CUL4A: variants seen among roughly 807,000 people sequenced by gnomAD.
CUL4A encodes the protein cullin-4A.
In CUL4A, 16 loss-of-function variants were observed where a neutral mutation model predicts 95.5. The ratio of observed to expected loss-of-function variants is 0.17; its 90% CI spans 0.11 to 0.25. The LOEUF (loss-of-function observed/expected upper bound fraction) is 0.25, where lower values mean the gene tolerates loss of function less well. Among genes scored for constraint, CUL4A ranks in the 10% least tolerant of loss-of-function variants. The pLI is 1.00. For synonymous variants in CUL4A, 380 were observed against 353.1 expected (o/e 1.08, Z -0.85); for missense variants, 610 against 937.0 (o/e 0.65, Z 4.56).
chr13:113,235,245 A>C (rs1404477326), intron 8 of CUL4A, 100 bp downstream of exon 8: 1 of 739,786 alleles, frequency 1.4e-6, no homozygotes, highest in Non-Finnish European at 2.3e-6. Context: ...CAATTCATTC[A>C]GTACTAAGAG....
chr13:113,220,692 T>C (rs902097677), intron 3 of CUL4A, among the ~76,000 whole-genome samples: 3 of 152,184 alleles, frequency 2.0e-5, no homozygotes, highest in Non-Finnish European at 4.4e-5. Context: ...GATTACCTGA[T>C]CAAATGAATC....
At chr13:113,210,878 C>T (rs1433326388) in intron 2 of CUL4A, among the ~76,000 whole-genome samples, 2 of 152,324 alleles carry the variant, frequency 1.3e-5, no homozygotes, top group Admixed American at 6.5e-5. Context: ...CACCTATACT[C>T]CTACCACCCA....
chr13:113,253,034 A>G (rs764014952), intron 15 of CUL4A, 48 bp from the exon 16 acceptor site: 2 of 874,956 alleles, frequency 2.3e-6, no homozygotes, highest in Non-Finnish European at 3.7e-6. Flanking sequence ...GGAGCTATTG[A>G]GATGGATGGT....
intron 2 of CUL4A, among the ~76,000 whole-genome samples, chr13:113,216,981 A>T (rs1002134352): frequency 6.6e-6 from 1 of 152,196 alleles, no homozygotes; most frequent in Non-Finnish European, 1.5e-5. Flanking sequence ...GACTCATATG[A>T]ATAGTAAATG....
intron 4 of CUL4A, 86 bp from the exon 5 acceptor site, chr13:113,229,360 A>G: frequency 9.1e-7 from 1 of 1,095,684 alleles, no homozygotes; most frequent in Non-Finnish European, 1.4e-6. Context: ...TGGATTTGAG[A>G]CAGCTAGCAT....
chr13:113,234,957 T>A (rs2041489696), intron 7 of CUL4A, 106 bp from the exon 8 acceptor site: 1 of 793,074 alleles, frequency 1.3e-6, no homozygotes, highest in Non-Finnish European at 2.1e-6. Flanking sequence ...TGAATATGTA[T>A]TCTGCTTTTT....
intron 5 of CUL4A, chr13:113,229,809 G>T (rs1023270176): frequency 4.2e-6 from 2 of 479,012 alleles, no homozygotes; most frequent in African/African-American, 2.0e-5. Flanking sequence ...TGGAGGTTGA[G>T]CCTGGAGCGG....
Position 113,256,926 on chromosome 13 carries a change from G to GTTTTTTTTTTTTTTTTTTTT in CUL4A, c.2031+1805_2031+1824dup, listed in dbSNP as rs951070829. On this transcript the variant is annotated intron_variant, in intron 18 of 19. Transcript: ENST00000375440. The stretch of plus-strand genomic sequence containing the variant: ...AATGCTTTGTCCCTTTTTTTTTTTC[G>GTTTTTTTTTTTTTTTTTTTT]TTTTTTTTTTTTTTTTTTTTTTTGC... Among the ~76,000 whole-genome samples, 14 of 47,388 alleles carry GTTTTTTTTTTTTTTTTTTTT rather than the reference G, an allele frequency of 3.0e-4. 3 individuals are homozygous for GTTTTTTTTTTTTTTTTTTTT. Among genetic ancestry groups the GTTTTTTTTTTTTTTTTTTTT allele is most frequent in the Non-Finnish European group, 4.7e-4 (13 of 27,938 alleles). 31.1% of individuals were successfully genotyped at this position (47,388 alleles called of 152,430 possible). A position where few individuals can be genotyped will look rare whatever the true frequency, so the allele number is the denominator to read the frequency against.
At chr13:113,234,919 C>T in intron 7 of CUL4A, 144 bp from the exon 8 acceptor site, 1 of 612,938 alleles carries the variant, frequency 1.6e-6, no homozygotes. Flanking sequence ...ACCTCTCCCT[C>T]CCTGTTAATC....
chr13:113,211,634 C>T (rs778220608), intron 2 of CUL4A, among the ~76,000 whole-genome samples: 5 of 152,354 alleles, frequency 3.3e-5, no homozygotes, highest in Non-Finnish European at 7.4e-5. Flanking sequence ...ATCCACCCAC[C>T]TCGGTCTCTC....
chr13:113,257,372 A>G (rs1178500392), intron 18 of CUL4A, among the ~76,000 whole-genome samples: 1 of 152,194 alleles, frequency 6.6e-6, no homozygotes, highest in Admixed American at 6.5e-5. Context: ...TTGTATTACT[A>G]TAAGGAAATA....
intron 2 of CUL4A, among the ~76,000 whole-genome samples, chr13:113,215,347 T>TCG (rs2040615587): frequency 7.1e-6 from 1 of 141,606 alleles, no homozygotes; most frequent in African/African-American, 2.7e-5. Context: ...GCTGTGGAGG[T>TCG]CTCTGTGACC....
upstream of CUL4A, chr13:113,209,506 CGGGCG>C (rs531800883): frequency 1.7e-4 from 87 of 522,122 alleles, no homozygotes; most frequent in South Asian, 2.6e-4. Flanking sequence ...CTCGGGCACG[CGGGCG>C]GGGCGGGGCG....
chr13:113,217,635 TA>T (rs2139103743), intron 2 of CUL4A, among the ~76,000 whole-genome samples: 1 of 152,354 alleles, frequency 6.6e-6, no homozygotes, highest in Admixed American at 6.5e-5. Flanking sequence ...TAAGTATTAG[TA>T]AAATGAATAG....
intron 5 of CUL4A, among the ~76,000 whole-genome samples, chr13:113,230,838 A>G (rs960893705): frequency 2.0e-5 from 3 of 152,114 alleles, no homozygotes; most frequent in Admixed American, 6.5e-5. Flanking sequence ...TGGCACAATC[A>G]TAACTCACTG....
rs2042351470 is a variant in CUL4A at position 113,263,856 on chromosome 13, T to C, written c.*274T>C. On this transcript the variant is annotated 3_prime_UTR_variant, in exon 20 of 20. Transcript: ENST00000375440. The stretch of plus-strand genomic sequence containing the variant: ...ACTTTGAGATTGGACAAGAAGATGT[T>C]ACTAAAGAGAAGTTCCTTTAAAAGG... 1 of 294,428 alleles carries C rather than the reference T, an allele frequency of 3.4e-6. No individual in the cohort carries two copies. The highest frequency in any genetic ancestry group is 5.1e-5 in the Admixed American group (1 of 19,590). The allele number at this position is 294,428 out of a possible 1,614,324, so 18.2% of individuals were successfully genotyped here.
chr13:113,222,819 G>A (rs548243078), intron 3 of CUL4A, among the ~76,000 whole-genome samples: 12 of 152,280 alleles, frequency 7.9e-5, no homozygotes, highest in Admixed American at 5.2e-4. Context: ...AGGATTGCAC[G>A]AGCCCAGGAG....
intron 9 of CUL4A, among the ~76,000 whole-genome samples, chr13:113,238,473 A>G (rs777425741): frequency 3.9e-5 from 6 of 152,080 alleles, no homozygotes; most frequent in African/African-American, 1.4e-4. Context: ...AAATAGTAGA[A>G]ATTTGCATAA....
upstream of CUL4A, chr13:113,208,805 AGGGGGCCCGGGGTCTTTCTGCC>A (rs1214703259): frequency 5.0e-6 from 7 of 1,412,658 alleles, no homozygotes; most frequent in Non-Finnish European, 5.5e-6. Context: ...GCTCGGGCTG[AGGGGGCCCGGGGTCTTTCTGCC>A]GGGGCCCCGT....
Sources: allele counts gnomAD v4.1 joint callset (sites outside exome capture counted in the v4.1 genomes callset), GRCh38; gene constraint gnomAD v4.1.1; transcripts MANE v1.5; gene names NCBI Gene and HGNC (gene_info 2026-07-23, HGNC 2026-07-21).